The following TAB1 variants were observed in gnomAD, a reference collection of about 807,000 sequenced individuals.
TAB1 encodes the protein TGF-beta-activated kinase 1 and MAP3K7-binding protein 1.
In TAB1, 30 loss-of-function variants were observed where a neutral mutation model predicts 54.5. That is an observed-to-expected ratio of 0.55 (90% CI 0.41 to 0.75). The LOEUF (loss-of-function observed/expected upper bound fraction) is 0.75. TAB1 is among the 30% of genes least tolerant of loss of function. The pLI is 0.00. For synonymous variants in TAB1, 289 were observed against 286.9 expected (o/e 1.01, Z -0.07); for missense variants, 609 against 683.2 (o/e 0.89, Z 1.21).
intron 1 of TAB1, chr22:39,414,605 T>C (rs1926743937): frequency 5.2e-6 from 1 of 193,694 alleles, no homozygotes; most frequent in African/African-American, 2.4e-5. Flanking sequence ...CAGCCTGCAG[T>C]GTTGGTAACC....
In TAB1 at chr22:39,430,704, G is replaced by A. The variant is rs554460868; in HGVS notation, c.*482G>A. 9.6e-4 allele frequency: 989 copies of A among 1,032,868 alleles called. 9 individuals carry two copies. In the African/African-American group the frequency reaches 0.016, roughly 16 times the overall value. The allele number at this position is 1,032,868 out of a possible 1,614,324, so 64.0% of individuals were successfully genotyped here. A position where few individuals can be genotyped will look rare whatever the true frequency, so the allele number is the denominator to read the frequency against. ...TCAGCCCTGTGCTCCTGCATCCAGA[G>A]TGGAACCCAGGCTGGTGTCCGCATC... is the stretch of plus-strand genomic sequence containing the variant. On this transcript the variant is annotated 3_prime_UTR_variant, in exon 11 of 11. Coordinates refer to ENST00000216160, the MANE Select transcript of TAB1 (RefSeq NM_006116.3).
At position 39,431,380 on chromosome 22, in the gene TAB1, A is replaced by G. The variant is rs1927577921; in HGVS notation, c.*1158A>G. On this transcript the variant is annotated 3_prime_UTR_variant, in exon 11 of 11. Coordinates refer to ENST00000216160, the MANE Select transcript of TAB1 (RefSeq NM_006116.3). Reference sequence around the variant, plus strand: ...GACTTGCACCTTGGCCAAGCCACACAATCAGTGGGGCAGCCAGAGCTCAGA... The same window carrying G: ...GACTTGCACCTTGGCCAAGCCACACGATCAGTGGGGCAGCCAGAGCTCAGA... The G allele has an allele frequency of 1.1e-5, 11 of 985,448 alleles. No homozygotes were observed. Among genetic ancestry groups the G allele is most frequent in the Non-Finnish European group, 1.3e-5 (11 of 829,958 alleles). The allele number at this position is 985,448 out of a possible 1,614,324, so 61.0% of individuals were successfully genotyped here.
chr22:39,433,299 A>T, downstream of TAB1: 1 of 830,190 alleles, frequency 1.2e-6, no homozygotes, highest in Non-Finnish European at 1.5e-6. Context: ...AAAATAAAAA[A>T]AGTTAGCCGG....
rs575452506 is a variant in TAB1, at chr22:39,423,736, C to G, written c.921+1765C>G. Among the ~76,000 whole-genome samples, 4 of 151,598 alleles carry G rather than the reference C, an allele frequency of 2.6e-5. No individual in the cohort carries two copies. The East Asian group carries it at 6.3e-4, about 24-fold the overall frequency. ...ATTATGTAGTGGTGAATTCTGAGAT[C>G]TTAGTAAACCAGTTATTCCAGTAGT... On this transcript the variant is annotated intron_variant, in intron 8 of 10. Transcript: ENST00000216160.
chr22:39,421,490 A>C (rs995241682), intron 7 of TAB1, among the ~76,000 whole-genome samples: 1 of 152,164 alleles, frequency 6.6e-6, no homozygotes, highest in African/African-American at 2.4e-5. Context: ...TTGGGCTCCC[A>C]GGGATAATCC....
intron 4 of TAB1, 97 bp downstream of exon 4, chr22:39,416,974 C>A: frequency 1.6e-6 from 2 of 1,241,634 alleles, no homozygotes; most frequent in Non-Finnish European, 2.3e-6. Context: ...TGGGCCAGAG[C>A]AACAGGCGTT....
chr22:39,433,684 G>A, downstream of TAB1: 1 of 985,424 alleles, frequency 1.0e-6, no homozygotes, highest in Non-Finnish European at 1.2e-6. Flanking sequence ...TGCAGAGCAG[G>A]CTCCCCACGA....
rs1927362840 is a variant in TAB1, at chr22:39,426,783, G to A, written c.1002G>A (p.Val334=). The A allele has an allele frequency of 6.2e-7, 1 of 1,614,078 alleles. No individual in the cohort carries two copies. The highest frequency in any genetic ancestry group is 8.5e-7 in the Non-Finnish European group (1 of 1,180,036). ...DAVAQAVVDR[V]KRIHSDTFAS... is the part of the protein sequence containing the mutation. The stretch of plus-strand genomic sequence containing the variant: ...TGGCCCAGGCCGTCGTGGACCGGGT[G>A]AAGCGCATCCACAGCGACACCTTCG... The change falls in exon 9 of 11, where the codon GTG becomes GTA. Residue 334 remains valine, a synonymous_variant. Coordinates refer to ENST00000216160, the MANE Select transcript of TAB1 (RefSeq NM_006116.3).
Position 39,418,850 on chromosome 22 carries a change from G to A in TAB1, c.664+5G>A, listed in dbSNP as rs550133659. ...TCTTCCGTCTTTCGCAGCTGGGTGA[G>A]TGGGGAGAGTGGGAGCGGAAGCTGA... On this transcript the variant is annotated splice_donor_5th_base_variant and intron_variant, in intron 6 of 10. Transcript: ENST00000216160. 85 of 1,608,672 alleles carry A rather than the reference G, an allele frequency of 5.3e-5. No individual in the cohort carries two copies. Among genetic ancestry groups the A allele is most frequent in the Non-Finnish European group, 7.1e-5 (83 of 1,175,256 alleles).
At chr22:39,409,606 G>C (rs746826243) in intron 1 of TAB1, among the ~76,000 whole-genome samples, 10 of 152,006 alleles carry the variant, frequency 6.6e-5, no homozygotes, top group Non-Finnish European at 1.2e-4. Context: ...TTTACGTTCC[G>C]CTCCCTCTGC....
chr22:39,421,610 G>A, intron 7 of TAB1: 1 of 578,144 alleles, frequency 1.7e-6, no homozygotes, highest in Non-Finnish European at 3.0e-6. Context: ...GACCTCAGCT[G>A]CCTGCCAGTT....
chr22:39,420,703 C>T (rs1255116954), intron 7 of TAB1, among the ~76,000 whole-genome samples: 1 of 152,082 alleles, frequency 6.6e-6, no homozygotes, highest in African/African-American at 2.4e-5. Context: ...CGCTGCCTCC[C>T]CAGAGGCTGC....
Position 39,418,712 on chromosome 22 carries a change from C to G in TAB1, c.551-20C>G. On this transcript the variant is annotated intron_variant, in intron 5 of 10. Transcript: ENST00000216160. The stretch of plus-strand genomic sequence containing the variant: ...CTCTCTGTGTGTAGTCTTTGCTTAG[C>G]TGTTCACATTCTGCCACAGGTACAA... The G allele has an allele frequency of 6.4e-7, 1 of 1,564,096 alleles. No homozygotes were observed. The highest frequency in any genetic ancestry group is 1.1e-5 in the South Asian group (1 of 90,064).
In TAB1 at chr22:39,425,842, G is replaced by A. The variant is rs140594617; in HGVS notation, c.922-861G>A. Among the ~76,000 whole-genome samples, 421 of 151,622 alleles carry A rather than the reference G, an allele frequency of 2.8e-3. 6 individuals carry two copies. Among genetic ancestry groups the A allele is most frequent in the Middle Eastern group, 0.02 (6 of 294 alleles). ...ATTACAGGTGTGAGCCACCACGCCCGGCCAAATGCTTTTTCAACTTACGAT... is the reference window on the plus strand; with the variant it reads ...ATTACAGGTGTGAGCCACCACGCCCAGCCAAATGCTTTTTCAACTTACGAT... On this transcript the variant is annotated intron_variant, in intron 8 of 10. Coordinates refer to ENST00000216160, the MANE Select transcript of TAB1 (RefSeq NM_006116.3).
rs34698664 is a variant in TAB1 at position 39,402,174 on chromosome 22, G to A, written c.33+2339G>A. 9.2e-3 allele frequency among the ~76,000 whole-genome samples: 1,400 copies of A among 152,140 alleles called. 28 individuals carry two copies. The highest frequency in any genetic ancestry group is 0.031 in the African/African-American group (1,292 of 41,516). ...GTGTATGTGTGTTTTCTTGACACGT[G>A]TGTTTTTGTTTTCATTTTTCTTCCT... On this transcript the variant is annotated intron_variant, in intron 1 of 10. Transcript: ENST00000216160.
chr22:39,419,338 C>T (rs777680083), intron 6 of TAB1, among the ~76,000 whole-genome samples, 181 bp from the exon 7 acceptor site: 3 of 152,240 alleles, frequency 2.0e-5, no homozygotes, highest in East Asian at 1.9e-4. Flanking sequence ...TCGTGATGGG[C>T]GTGGGGACTG....
At chr22:39,436,618 C>T (rs1471746966), downstream of TAB1, 1 of 1,479,024 alleles carries the variant, frequency 6.8e-7, no homozygotes, top group East Asian at 2.3e-5. Flanking sequence ...TGAGATCATC[C>T]TGGGGTTTTG....
chr22:39,431,161 GAAA>G lies in TAB1; in HGVS notation c.*941_*943del. 1.2e-5 allele frequency: 12 copies of G among 985,846 alleles called. No individual in the cohort carries two copies. Among genetic ancestry groups the G allele is most frequent in the Non-Finnish European group, 1.3e-5 (11 of 830,254 alleles). 61.1% of individuals were successfully genotyped at this position (985,846 alleles called of 1,614,324 possible). A position where few individuals can be genotyped will look rare whatever the true frequency, so the allele number is the denominator to read the frequency against. On this transcript the variant is annotated 3_prime_UTR_variant, in exon 11 of 11. Transcript: ENST00000216160. ...GACTTGTTTGAAAGAAAGAGGAGTG[GAAA>G]ATGGTTCCAGGAGGGAAGAGGTTCT...
intron 1 of TAB1, 194 bp from the exon 2 acceptor site, chr22:39,414,812 T>C: frequency 1.7e-6 from 1 of 579,480 alleles, no homozygotes; most frequent in Non-Finnish European, 3.0e-6. Flanking sequence ...AACAAGTTTG[T>C]AGACTAGCCA....
Sources: gnomAD v4.1 joint callset for allele counts (sites outside exome capture counted in the v4.1 genomes callset) on GRCh38, gnomAD v4.1.1 for gene constraint, MANE v1.5 for transcripts, NCBI Gene and HGNC (gene_info 2026-07-23, HGNC 2026-07-21) for gene names.